Variants in ZC3H13 observed in about 807,000 individuals in gnomAD.
ZC3H13 encodes zinc finger CCCH domain-containing protein 13.
In ZC3H13, 64 loss-of-function variants were observed where a neutral mutation model predicts 204.1. That is an observed-to-expected ratio of 0.31 (90% CI 0.26 to 0.39). ZC3H13 has a LOEUF of 0.39. ZC3H13 is among the 10% of genes least tolerant of loss of function. The pLI is 1.00. For synonymous variants in ZC3H13, 667 were observed against 693.7 expected (o/e 0.96, Z 0.60); for missense variants, 1,833 against 2,082.7 (o/e 0.88, Z 2.33).
Position 46,003,268 on chromosome 13 carries a change from T to C in ZC3H13, c.815A>G (p.Glu272Gly). 1 of 1,613,280 alleles carries C rather than the reference T, an allele frequency of 6.2e-7. No individual in the cohort carries two copies. The highest frequency in any genetic ancestry group is 8.5e-7 in the Non-Finnish European group (1 of 1,179,802). The part of the protein sequence containing the change: ...RTPSPPPPIP[E>G]DIALGKKYKE... ...GTATTTTTTCCCCAGAGCGATATCTTCTGGTATAGGAGGGGGTGGACTAGG... is the reference window on the plus strand; with the variant it reads ...GTATTTTTTCCCCAGAGCGATATCTCCTGGTATAGGAGGGGGTGGACTAGG... Residue 272 changes from glutamate (E) to glycine (G), a missense_variant, in exon 8 of 19, where the codon GAA becomes GGA. Around this residue, in one of 5 missense-constraint regions of ZC3H13, gnomAD observed 1,574 missense variants for 1,757.2 expected, o/e 0.90. Transcript: ENST00000679008.
intron 3 of ZC3H13, 74 bp downstream of exon 3, chr13:46,044,881 C>A: frequency 9.2e-7 from 1 of 1,083,244 alleles, no homozygotes; most frequent in Non-Finnish European, 1.3e-6. Context: ...GGTTGTATTT[C>A]AGATTTTTAT....
At chr13:46,011,973 C>T (rs1593668551) in intron 5 of ZC3H13, among the ~76,000 whole-genome samples, 1 of 152,144 alleles carries the variant, frequency 6.6e-6, no homozygotes, top group Admixed American at 6.6e-5. Context: ...ATACATCATA[C>T]AAAGTGAGGT....
At chr13:46,002,966 G>A (rs1273112375) in intron 8 of ZC3H13, among the ~76,000 whole-genome samples, 173 bp downstream of exon 8, 1 of 151,878 alleles carries the variant, frequency 6.6e-6, no homozygotes, top group Non-Finnish European at 1.5e-5. Flanking sequence ...AAGGCTTACT[G>A]AATTATCCAT....
intron 5 of ZC3H13, among the ~76,000 whole-genome samples, chr13:46,017,327 G>GT (rs1256209390): frequency 4.6e-5 from 7 of 152,062 alleles, no homozygotes; most frequent in African/African-American, 1.7e-4. Context: ...TACATTGTTT[G>GT]CCTGGTGTAC....
chr13:45,959,370 A>C, intron 18 of ZC3H13, 113 bp downstream of exon 18: 1 of 1,090,924 alleles, frequency 9.2e-7, no homozygotes. Context: ...ATAAAAGATT[A>C]GGAAACCAAA....
intron 8 of ZC3H13, among the ~76,000 whole-genome samples, chr13:46,000,392 T>C (rs1404736823): frequency 6.6e-6 from 1 of 152,210 alleles, no homozygotes; most frequent in Admixed American, 6.5e-5. Flanking sequence ...ATGTGCTGCT[T>C]CATCTTGCAC....
intron 8 of ZC3H13, chr13:46,001,476 AAAAAAT>A (rs1252250036): frequency 1.3e-5 from 2 of 152,244 alleles, no homozygotes; most frequent in Non-Finnish European, 2.9e-5. Context: ...ATGAAAAAAT[AAAAAAT>A]AAAAATAAAT....
intron 5 of ZC3H13, among the ~76,000 whole-genome samples, chr13:46,018,663 T>C (rs1593700472): frequency 6.6e-6 from 1 of 152,008 alleles, no homozygotes; most frequent in South Asian, 2.1e-4. Context: ...GCTTAGTAGA[T>C]AGCAAAAAAG....
In ZC3H13 at chr13:45,968,904, C is replaced by A. The variant is rs1376105084; in HGVS notation, c.3640G>T (p.Ala1214Ser). Residue 1214 changes from alanine (A) to serine (S), a missense_variant, in exon 14 of 19, where the codon GCC becomes TCC. Coordinates refer to ENST00000679008, the MANE Select transcript of ZC3H13 (RefSeq NM_001330564.2). ...GRLRSPSNDS[A>S]HRSGDDQSGR... ...CTTTGGTCATCTCCACTTCGATGGG[C>A]TGAATCATTGGATGGGGAGCGAAGA... 6.2e-7 allele frequency: 1 copy of A among 1,614,170 alleles called. No homozygotes were observed. The highest frequency in any genetic ancestry group is 1.7e-5 in the Admixed American group (1 of 60,004).
intron 10 of ZC3H13, 125 bp downstream of exon 10, chr13:45,985,172 G>T: frequency 9.5e-7 from 1 of 1,050,506 alleles, no homozygotes; most frequent in Non-Finnish European, 1.3e-6. Context: ...AAGACTACAA[G>T]TTCAATTAAT....
intron 16 of ZC3H13, 125 bp downstream of exon 16, chr13:45,965,155 T>C: frequency 8.2e-7 from 1 of 1,223,132 alleles, no homozygotes; most frequent in Non-Finnish European, 1.1e-6. Flanking sequence ...CTTTCAACCT[T>C]AAGTAAAATG....
At chr13:46,006,906 T>C (rs113134185) in intron 7 of ZC3H13, among the ~76,000 whole-genome samples, 3 of 151,596 alleles carry the variant, frequency 2.0e-5, no homozygotes, top group Admixed American at 6.6e-5. Flanking sequence ...CATCCTTGTC[T>C]TCTGCCAACA....
At chr13:46,040,485 A>G (rs912891879) in intron 4 of ZC3H13, among the ~76,000 whole-genome samples, 2 of 152,130 alleles carry the variant, frequency 1.3e-5, no homozygotes, top group Non-Finnish European at 2.9e-5. Context: ...AAACCAGAAA[A>G]TGCTTCAAAG....
intron 16 of ZC3H13, among the ~76,000 whole-genome samples, chr13:45,965,019 T>C (rs1192875175): frequency 6.6e-6 from 1 of 152,190 alleles, no homozygotes; most frequent in East Asian, 1.9e-4. Context: ...TCATATAATA[T>C]GATTCTTAAA....
chr13:45,964,775 A>G (rs996566379), intron 16 of ZC3H13, among the ~76,000 whole-genome samples: 1 of 152,228 alleles, frequency 6.6e-6, no homozygotes, highest in African/African-American at 2.4e-5. Flanking sequence ...GCTTCATGGT[A>G]TAATCACTGG....
chr13:46,025,340 T>C (rs1314350494), intron 4 of ZC3H13, among the ~76,000 whole-genome samples: 1 of 152,222 alleles, frequency 6.6e-6, no homozygotes, highest in African/African-American at 2.4e-5. Flanking sequence ...AGGGTCTTGT[T>C]CTATGATCCA....
chr13:46,039,528 T>A (rs74625332), intron 4 of ZC3H13, among the ~76,000 whole-genome samples: 1 of 152,204 alleles, frequency 6.6e-6, no homozygotes, highest in Non-Finnish European at 1.5e-5. Flanking sequence ...AGTTTAACAA[T>A]TCCTAAAGTA....
intron 4 of ZC3H13, among the ~76,000 whole-genome samples, chr13:46,030,929 G>A (rs1276868148): frequency 2.0e-5 from 3 of 152,144 alleles, no homozygotes; most frequent in African/African-American, 7.2e-5. Context: ...AAGTTACTTT[G>A]TAGATACTGA....
chr13:45,966,562 A>G (rs1400280099), intron 15 of ZC3H13, among the ~76,000 whole-genome samples: 2 of 152,168 alleles, frequency 1.3e-5, no homozygotes, highest in Non-Finnish European at 2.9e-5. Flanking sequence ...GATCATAACC[A>G]GCAAATTATA....
Sources: gnomAD v4.1 joint callset for allele counts (sites outside exome capture counted in the v4.1 genomes callset) on GRCh38, gnomAD v4.1.1 for gene constraint, gnomAD v4.1.1 regional missense constraint, MANE v1.5 for transcripts, NCBI Gene and HGNC (gene_info 2026-07-23, HGNC 2026-07-21) for gene names.